ARSB: variants seen among roughly 807,000 people sequenced by gnomAD.
ARSB encodes N-acetylgalactosamine-4-sulfatase.
In ARSB, 41 loss-of-function variants were observed where a neutral mutation model predicts 50.9. The ratio of observed to expected loss-of-function variants is 0.81; its 90% CI spans 0.63 to 1.04. The LOEUF (loss-of-function observed/expected upper bound fraction) is 1.04. ARSB is among the 50% of genes least tolerant of loss of function. ARSB has a pLI of 0.00. For missense variants in ARSB, 672 were observed against 693.3 expected (o/e 0.97, Z 0.35); for synonymous variants, 269 against 284.8 (o/e 0.94, Z 0.56).
chr5:78,850,377 A>G (rs929268064), intron 5 of ARSB, among the ~76,000 whole-genome samples: 1 of 152,096 alleles, frequency 6.6e-6, no homozygotes, highest in African/African-American at 2.4e-5. Context: ...ATTTGCGTAT[A>G]TTGAACCAGC....
chr5:78,816,989 T>G, intron 6 of ARSB: 108 of 699,162 alleles, frequency 1.5e-4, no homozygotes, highest in South Asian at 1.9e-4. Context: ...TACAGAACTG[T>G]GAGGTAGTAA....
intron 5 of ARSB, among the ~76,000 whole-genome samples, chr5:78,850,606 A>G (rs190791443): frequency 1.2e-3 from 178 of 152,088 alleles, no homozygotes; most frequent in African/African-American, 4.0e-3. Context: ...CTCTTTTTCT[A>G]TTGATTGGAA....
intron 6 of ARSB, among the ~76,000 whole-genome samples, chr5:78,799,536 G>A (rs1007811616): frequency 6.6e-6 from 1 of 152,310 alleles, no homozygotes. Flanking sequence ...TGATGCTGGT[G>A]CTCACCTACT....
chr5:78,888,109 T>C (rs1008221147), intron 4 of ARSB, among the ~76,000 whole-genome samples: 3 of 151,910 alleles, frequency 2.0e-5, no homozygotes, highest in Non-Finnish European at 2.9e-5. Flanking sequence ...CTTCAACACA[T>C]GGGTCGGTGA....
At chr5:78,939,983 G>A (rs1330069857) in intron 4 of ARSB, among the ~76,000 whole-genome samples, 1 of 152,216 alleles carries the variant, frequency 6.6e-6, no homozygotes, top group African/African-American at 2.4e-5. Flanking sequence ...TCTAACTGGT[G>A]TGAGATGGTA....
At chr5:78,976,913 A>G (rs758730946) in intron 1 of ARSB, among the ~76,000 whole-genome samples, 3 of 152,076 alleles carry the variant, frequency 2.0e-5, no homozygotes, top group Non-Finnish European at 2.9e-5. Context: ...TCACTCAGCT[A>G]CCATCTCATT....
At chr5:78,931,721 G>C (rs1750335553) in intron 4 of ARSB, among the ~76,000 whole-genome samples, 1 of 151,894 alleles carries the variant, frequency 6.6e-6, no homozygotes, top group Non-Finnish European at 1.5e-5. Context: ...AATATAGTTT[G>C]TCCTATGCTG....
chr5:78,920,031 GCATT>G, intron 4 of ARSB, among the ~76,000 whole-genome samples: 1 of 143,970 alleles, frequency 6.9e-6, no homozygotes, highest in South Asian at 2.2e-4. Context: ...GAGCATGAAT[GCATT>G]TTCAGGGAAA....
At chr5:78,833,317 C>T (rs1581016029) in intron 6 of ARSB, among the ~76,000 whole-genome samples, 2 of 152,256 alleles carry the variant, frequency 1.3e-5, no homozygotes, top group South Asian at 4.2e-4. Context: ...TTACACTGAC[C>T]ACCCTGTGCT....
chr5:78,853,076 C>G (rs1452193910), intron 5 of ARSB, among the ~76,000 whole-genome samples: 4 of 152,240 alleles, frequency 2.6e-5, no homozygotes, highest in Admixed American at 6.5e-5. Flanking sequence ...AATTCTCCGT[C>G]CAGCTTTGTT....
intron 3 of ARSB, among the ~76,000 whole-genome samples, chr5:78,958,916 A>G (rs922981226): frequency 1.3e-5 from 2 of 151,958 alleles, no homozygotes; most frequent in African/African-American, 2.4e-5. Context: ...CACCTTGACT[A>G]ATCAGATCAT....
At chr5:78,833,904 A>G (rs1744807780) in intron 6 of ARSB, among the ~76,000 whole-genome samples, 2 of 152,184 alleles carry the variant, frequency 1.3e-5, no homozygotes, top group South Asian at 2.1e-4. Context: ...TATAATGTCA[A>G]TTACAACTTA....
intron 3 of ARSB, among the ~76,000 whole-genome samples, chr5:78,958,783 T>C (rs1002850468): frequency 2.0e-5 from 3 of 152,186 alleles, no homozygotes; most frequent in African/African-American, 7.2e-5. Flanking sequence ...AAGATCTTTG[T>C]TATAGATTAA....
intron 4 of ARSB, among the ~76,000 whole-genome samples, chr5:78,924,940 C>T (rs1468765105): frequency 2.0e-5 from 3 of 152,266 alleles, no homozygotes; most frequent in South Asian, 2.1e-4. Flanking sequence ...AAAGATCCAC[C>T]GACCATTATT....
chr5:78,785,345 C>G (rs1032568666), intron 6 of ARSB, among the ~76,000 whole-genome samples: 1 of 152,132 alleles, frequency 6.6e-6, no homozygotes, highest in Non-Finnish European at 1.5e-5. Flanking sequence ...TTGTTGGGCT[C>G]AATGCTCTGT....
At chr5:78,788,832 C>A (rs55948541) in intron 6 of ARSB, among the ~76,000 whole-genome samples, 1 of 152,134 alleles carries the variant, frequency 6.6e-6, no homozygotes, top group Non-Finnish European at 1.5e-5. Context: ...TGTTTCCCTA[C>A]GTTACCTGGC....
chr5:78,900,662 A>G (rs1013709767), intron 4 of ARSB, among the ~76,000 whole-genome samples: 1 of 152,036 alleles, frequency 6.6e-6, no homozygotes, highest in Non-Finnish European at 1.5e-5. Flanking sequence ...TTGGTCTTCT[A>G]TTGAGGGATT....
At chr5:78,847,742 T>A (rs1003810610) in intron 5 of ARSB, among the ~76,000 whole-genome samples, 11 of 152,184 alleles carry the variant, frequency 7.2e-5, no homozygotes, top group African/African-American at 2.7e-4. Flanking sequence ...ATCTCATTAC[T>A]TATAATTGGT....
intron 5 of ARSB, among the ~76,000 whole-genome samples, chr5:78,849,050 G>A (rs1007554406): frequency 8.5e-5 from 13 of 152,198 alleles, no homozygotes; most frequent in Admixed American, 6.5e-5. Context: ...CTTTTGCTGT[G>A]CAGAAGCTCT....
Sources: allele counts gnomAD v4.1 joint callset (sites outside exome capture counted in the v4.1 genomes callset), GRCh38; gene constraint gnomAD v4.1.1; transcripts MANE v1.5; gene names NCBI Gene and HGNC (gene_info 2026-07-23, HGNC 2026-07-21).